IMMP2L: variants seen among roughly 807,000 people sequenced by gnomAD.
The protein encoded by IMMP2L is mitochondrial inner membrane protease subunit 2.
In IMMP2L, 18 loss-of-function variants were observed where a neutral mutation model predicts 19.3. That is an observed-to-expected ratio of 0.93 (90% confidence interval 0.64 to 1.38). IMMP2L has a LOEUF of 1.38. Ranked by LOEUF, IMMP2L falls within the 40% of genes most tolerant of loss-of-function variation. The pLI is 0.00. For missense variants in IMMP2L, 233 were observed against 218.2 expected, an observed-to-expected ratio of 1.07 and a Z score of -0.43; for synonymous variants, 76 against 73.0, an observed-to-expected ratio of 1.04 and a Z score of -0.21.
chr7:111,359,594 G>A (rs1829066724), intron 3 of IMMP2L, among the ~76,000 whole-genome samples: 1 of 151,986 alleles, frequency 6.6e-6, no homozygotes, highest in South Asian at 2.1e-4. Context: ...AAGTCACCGT[G>A]CCCGGCCTCT....
At chr7:110,987,631 GGTTT>G (rs1421564086) in intron 3 of IMMP2L, among the ~76,000 whole-genome samples, 2 of 152,082 alleles carry the variant, frequency 1.3e-5, no homozygotes, top group African/African-American at 4.8e-5. Context: ...AAAGGAGATG[GGTTT>G]ATTTACTGCA....
rs751481347 is a variant in IMMP2L, at chr7:110,663,716, G to A, written c.414C>T (p.Ser138=). The change falls in exon 6 of 6, where the codon TCC becomes TCT. Residue 138 remains serine (S), a synonymous_variant. Coordinates refer to ENST00000405709, the MANE Select transcript of IMMP2L (RefSeq NM_032549.4). ...TGGCATGGGCATGCAGAAGTCCTAG[G>A]GAAACCTTAATTCATGAGAAACAGA... is the stretch of plus-strand genomic sequence containing the variant. ...SFDSNSFGPV[S]LGLLHAHATH... 8.3e-6 allele frequency: 13 copies of A among 1,574,074 alleles called. No homozygotes were observed. Among genetic ancestry groups the A allele is most frequent in the Non-Finnish European group, 1.0e-5 (12 of 1,163,536 alleles).
At chr7:111,239,104 T>A (rs184480856) in intron 3 of IMMP2L, among the ~76,000 whole-genome samples, 26 of 152,068 alleles carry the variant, frequency 1.7e-4, no homozygotes, top group African/African-American at 5.1e-4. Context: ...ACAGACCATC[T>A]TTCTCATATG....
At chr7:111,062,138 C>T (rs922032900) in intron 3 of IMMP2L, among the ~76,000 whole-genome samples, 2 of 152,152 alleles carry the variant, frequency 1.3e-5, no homozygotes, top group East Asian at 3.9e-4. Flanking sequence ...CTGGTAAAGA[C>T]ACACCTGAGA....
At chr7:111,517,663 A>C (rs1171861223) in intron 2 of IMMP2L, among the ~76,000 whole-genome samples, 1 of 152,116 alleles carries the variant, frequency 6.6e-6, no homozygotes, top group East Asian at 1.9e-4. Context: ...TAAGCGATTA[A>C]AGTTCTAATT....
chr7:110,975,353 CA>C (rs1820582672), intron 3 of IMMP2L, among the ~76,000 whole-genome samples: 1 of 152,120 alleles, frequency 6.6e-6, no homozygotes. Flanking sequence ...ACTTTCAAGT[CA>C]AAGACTCAGC....
intron 3 of IMMP2L, among the ~76,000 whole-genome samples, chr7:111,051,420 C>T (rs1440641027): frequency 1.3e-5 from 2 of 152,140 alleles, no homozygotes; most frequent in Admixed American, 6.5e-5. Flanking sequence ...CAGGAGAGGA[C>T]CAGTCTTTGT....
chr7:111,224,158 A>G (rs1275430942), intron 3 of IMMP2L, among the ~76,000 whole-genome samples: 2 of 152,074 alleles, frequency 1.3e-5, no homozygotes, highest in African/African-American at 2.4e-5. Context: ...CAAATCTCAC[A>G]GGACTGGTGT....
At chr7:111,281,210 GAAAGAAA>G (rs1177545186) in intron 3 of IMMP2L, among the ~76,000 whole-genome samples, 3 of 45,170 alleles carry the variant, frequency 6.6e-5, no homozygotes, top group Admixed American at 2.5e-4. Context: ...AAGAAAGAAA[GAAAGAAA>G]AAGAAAGAAA....
chr7:111,170,657 A>C (rs1806332063), intron 3 of IMMP2L, among the ~76,000 whole-genome samples: 1 of 151,844 alleles, frequency 6.6e-6, no homozygotes, highest in East Asian at 1.9e-4. Flanking sequence ...CAAAATAATG[A>C]GGTCTGAGGG....
At chr7:110,897,744 A>G (rs1811466845) in intron 4 of IMMP2L, among the ~76,000 whole-genome samples, 1 of 152,190 alleles carries the variant, frequency 6.6e-6, no homozygotes, top group Admixed American at 6.5e-5. Context: ...GGAATGCTAT[A>G]TAACCCATAA....
At chr7:111,361,762 G>A (rs566843631) in intron 3 of IMMP2L, among the ~76,000 whole-genome samples, 2 of 152,060 alleles carry the variant, frequency 1.3e-5, no homozygotes, top group South Asian at 4.1e-4. Context: ...TGTATGTCAG[G>A]CATCCAAAAC....
At chr7:111,321,561 T>G (rs1420493168) in intron 3 of IMMP2L, among the ~76,000 whole-genome samples, 1 of 151,934 alleles carries the variant, frequency 6.6e-6, no homozygotes, top group Non-Finnish European at 1.5e-5. Flanking sequence ...GTTGAGATTC[T>G]CAGGTTTTTG....
At chr7:111,016,802 A>C (rs374713333) in intron 3 of IMMP2L, among the ~76,000 whole-genome samples, 5 of 51,102 alleles carry the variant, frequency 9.8e-5, no homozygotes, top group South Asian at 1.2e-3. Context: ...ATAATATATA[A>C]TATATACTAT....
intron 3 of IMMP2L, among the ~76,000 whole-genome samples, chr7:111,354,759 A>G (rs913056985): frequency 1.3e-5 from 2 of 151,786 alleles, no homozygotes; most frequent in South Asian, 4.1e-4. Flanking sequence ...ATTGGAAAGA[A>G]TATTTTTTAA....
At chr7:110,979,650 G>C (rs558929585) in intron 3 of IMMP2L, among the ~76,000 whole-genome samples, 4 of 151,058 alleles carry the variant, frequency 2.6e-5, no homozygotes, top group Admixed American at 6.6e-5. Flanking sequence ...AAAGTATAAT[G>C]AAAGAAAGGG....
chr7:110,764,655 T>C (rs1798551667), intron 5 of IMMP2L, among the ~76,000 whole-genome samples: 1 of 152,182 alleles, frequency 6.6e-6, no homozygotes, highest in Admixed American at 6.5e-5. Context: ...CACCTAATTA[T>C]AATAAAAATC....
At chr7:110,953,163 T>C (rs889888881) in intron 4 of IMMP2L, among the ~76,000 whole-genome samples, 1 of 152,070 alleles carries the variant, frequency 6.6e-6, no homozygotes, top group African/African-American at 2.4e-5. Context: ...AAAATCAACA[T>C]TTTTCTAATC....
At chr7:111,519,443 T>C (rs569754587) in intron 2 of IMMP2L, among the ~76,000 whole-genome samples, 1 of 152,248 alleles carries the variant, frequency 6.6e-6, no homozygotes, top group South Asian at 2.1e-4. Context: ...TCTAACATAA[T>C]ACATTTGACT....
Sources: gnomAD v4.1 joint callset for allele counts (sites outside exome capture counted in the v4.1 genomes callset) on GRCh38, gnomAD v4.1.1 for gene constraint, MANE v1.5 for transcripts, NCBI Gene and HGNC (gene_info 2026-07-23, HGNC 2026-07-21) for gene names.